Variants in DLG2 observed in about 807,000 individuals in gnomAD.
The protein encoded by DLG2 is discs large MAGUK scaffold protein 2, also known as disks large homolog 2.
DLG2 carries 45 observed loss-of-function variants against 132.5 expected under a neutral mutation model. The ratio of observed to expected loss-of-function variants is 0.34; its 90% confidence interval spans 0.27 to 0.44. The LOEUF (loss-of-function observed/expected upper bound fraction) is 0.44, where lower values mean the gene tolerates loss of function less well. DLG2 is among the 20% of genes least tolerant of loss of function. The pLI, the probability that DLG2 is intolerant of heterozygous loss-of-function variation, is 1.00. For synonymous variants in DLG2, 424 were observed against 419.6 expected (o/e 1.01, Z -0.13); for missense variants, 1,045 against 1,196.9 (o/e 0.87, Z 1.87).
intron 6 of DLG2, among the ~76,000 whole-genome samples, chr11:84,689,764 T>C (rs979984029): frequency 1.3e-5 from 2 of 151,536 alleles, no homozygotes; most frequent in Non-Finnish European, 2.9e-5. Context: ...TATTGGTCAA[T>C]AGGAAATAGC....
intron 6 of DLG2, among the ~76,000 whole-genome samples, chr11:84,549,855 G>A (rs563841191): frequency 2.6e-5 from 4 of 152,014 alleles, no homozygotes; most frequent in African/African-American, 4.8e-5. Flanking sequence ...CTGGGCTCAC[G>A]AGATTCTCCC....
chr11:83,984,040 G>A (rs908108552), intron 11 of DLG2, among the ~76,000 whole-genome samples: 1 of 151,988 alleles, frequency 6.6e-6, no homozygotes, highest in Non-Finnish European at 1.5e-5. Context: ...AGCAGTAAAT[G>A]CCACGGTCTT....
intron 6 of DLG2, among the ~76,000 whole-genome samples, chr11:84,875,145 G>A (rs1201422288): frequency 1.3e-5 from 2 of 152,010 alleles, no homozygotes; most frequent in South Asian, 2.1e-4. Flanking sequence ...GGGCCAATTC[G>A]TGATATTAAG....
chr11:84,591,276 A>G (rs1186156445), intron 6 of DLG2, among the ~76,000 whole-genome samples: 1 of 122,496 alleles, frequency 8.2e-6, no homozygotes, highest in African/African-American at 2.9e-5. Context: ...TCTCCACTAC[A>G]TAATATTGAT....
At chr11:85,068,756 C>T (rs949066114) in intron 6 of DLG2, among the ~76,000 whole-genome samples, 3 of 152,052 alleles carry the variant, frequency 2.0e-5, no homozygotes, top group Non-Finnish European at 4.4e-5. Context: ...AATGCCATCC[C>T]CATCAAGCTA....
chr11:83,877,257 T>C (rs192389792), intron 15 of DLG2, among the ~76,000 whole-genome samples: 1 of 152,128 alleles, frequency 6.6e-6, no homozygotes, highest in Non-Finnish European at 1.5e-5. Context: ...CATTTCTTTG[T>C]TTATTAGTGA....
chr11:83,703,796 G>C (rs1034083550), intron 18 of DLG2, among the ~76,000 whole-genome samples: 1 of 152,146 alleles, frequency 6.6e-6, no homozygotes, highest in African/African-American at 2.4e-5. Context: ...TACTCATCAT[G>C]ACTGTTATTT....
chr11:83,949,350 T>C (rs1216911922), intron 14 of DLG2, among the ~76,000 whole-genome samples: 1 of 152,156 alleles, frequency 6.6e-6, no homozygotes, highest in Non-Finnish European at 1.5e-5. Context: ...CTAATGATCT[T>C]TTCCCTTCCT....
intron 6 of DLG2, among the ~76,000 whole-genome samples, chr11:84,749,378 T>C (rs147231264): frequency 1.4e-3 from 209 of 152,344 alleles, no homozygotes; most frequent in African/African-American, 4.6e-3. Context: ...TGTGCTGCCA[T>C]AACAACGTTT....
At chr11:84,840,427 T>G (rs1485859660) in intron 6 of DLG2, among the ~76,000 whole-genome samples, 1 of 152,184 alleles carries the variant, frequency 6.6e-6, no homozygotes, top group Non-Finnish European at 1.5e-5. Context: ...TGGAAGACAG[T>G]GTGACTAATT....
intron 3 of DLG2, among the ~76,000 whole-genome samples, chr11:85,451,191 G>T (rs1002137428): frequency 2.0e-5 from 3 of 152,002 alleles, no homozygotes; most frequent in Non-Finnish European, 4.4e-5. Context: ...AAAGTCTAAT[G>T]GCTAGCCTTG....
chr11:83,502,004 C>T (rs1443927201), intron 21 of DLG2, among the ~76,000 whole-genome samples: 2 of 152,128 alleles, frequency 1.3e-5, no homozygotes, highest in Non-Finnish European at 2.9e-5. Context: ...CTTCAAGGTA[C>T]CCCAGAATAA....
intron 3 of DLG2, among the ~76,000 whole-genome samples, chr11:85,496,585 T>C (rs1597929941): frequency 6.6e-6 from 1 of 152,154 alleles, no homozygotes; most frequent in Non-Finnish European, 1.5e-5. Context: ...CAGCATGGCA[T>C]ATGAGCTCCA....
At chr11:83,959,478 C>T (rs1022448726) in intron 14 of DLG2, among the ~76,000 whole-genome samples, 1 of 152,208 alleles carries the variant, frequency 6.6e-6, no homozygotes, top group South Asian at 2.1e-4. Flanking sequence ...TCTTGATTTA[C>T]TATTTTAGGA....
intron 6 of DLG2, among the ~76,000 whole-genome samples, chr11:84,914,392 C>T (rs576066174): frequency 2.6e-5 from 4 of 152,294 alleles, no homozygotes; most frequent in South Asian, 2.1e-4. Flanking sequence ...ATCACTTCAT[C>T]GTGGGGAGTT....
At chr11:85,471,054 C>G (rs1339694453) in intron 3 of DLG2, among the ~76,000 whole-genome samples, 1 of 152,198 alleles carries the variant, frequency 6.6e-6, no homozygotes, top group African/African-American at 2.4e-5. Flanking sequence ...TTCTCTCACT[C>G]TGAGGTGGGC....
intron 3 of DLG2, among the ~76,000 whole-genome samples, chr11:85,354,728 T>TTC (rs371530943): frequency 3.3e-4 from 50 of 149,574 alleles, no homozygotes; most frequent in East Asian, 5.8e-4. Context: ...ACGTCACTGT[T>TTC]TCTCTCTCTC....
chr11:85,388,497 G>A (rs934443024), intron 3 of DLG2, among the ~76,000 whole-genome samples: 1 of 152,056 alleles, frequency 6.6e-6, no homozygotes, highest in East Asian at 1.9e-4. Flanking sequence ...AATCACAGCT[G>A]ATATGCTCTT....
intron 21 of DLG2, among the ~76,000 whole-genome samples, chr11:83,504,061 T>A (rs1355161792): frequency 2.6e-5 from 4 of 152,134 alleles, no homozygotes; most frequent in Non-Finnish European, 1.5e-5. Flanking sequence ...TGTCACATGA[T>A]AAAGGAAAAA....
Sources: gnomAD v4.1 joint callset for allele counts (sites outside exome capture counted in the v4.1 genomes callset) on GRCh38, gnomAD v4.1.1 for gene constraint, MANE v1.5 for transcripts, NCBI Gene and HGNC (gene_info 2026-07-23, HGNC 2026-07-21) for gene names.